The following SPIRE1 variants were observed in gnomAD, a reference collection of about 807,000 sequenced individuals.
SPIRE1 encodes the protein spire type actin nucleation factor 1.
SPIRE1 carries 40 observed loss-of-function variants against 94.1 expected under a neutral mutation model. The ratio of observed to expected loss-of-function variants is 0.43; its 90% CI spans 0.33 to 0.55. The LOEUF is 0.55. Ranked by LOEUF, SPIRE1 falls within the 20% of genes least tolerant of loss-of-function variation. The pLI, the probability that SPIRE1 is intolerant of heterozygous loss-of-function variation, is 0.06. For synonymous variants in SPIRE1, 376 were observed against 371.7 expected (o/e 1.01, Z -0.13); for missense variants, 838 against 975.2 (o/e 0.86, Z 1.87).
At chr18:12,615,320 T>A (rs2037255210) in intron 2 of SPIRE1, among the ~76,000 whole-genome samples, 1 of 10,672 alleles carries the variant, frequency 9.4e-5, no homozygotes, top group Non-Finnish European at 2.3e-4. Context: ...AGAGTGAAAC[T>A]CTGTCTCAAA....
At chr18:12,598,667 G>C (rs2036746893) in intron 2 of SPIRE1, among the ~76,000 whole-genome samples, 2 of 152,100 alleles carry the variant, frequency 1.3e-5, no homozygotes. Context: ...ATATCGACTG[G>C]CTCAGTGGGA....
intron 1 of SPIRE1, among the ~76,000 whole-genome samples, chr18:12,643,522 C>G (rs754138681): frequency 6.6e-6 from 1 of 152,188 alleles, no homozygotes; most frequent in Non-Finnish European, 1.5e-5. Context: ...ATGAGACAAC[C>G]TAGCCAACAA....
chr18:12,451,307 C>A (rs1245673874), intron 16 of SPIRE1, among the ~76,000 whole-genome samples: 1 of 151,750 alleles, frequency 6.6e-6, no homozygotes, highest in East Asian at 2.0e-4. Flanking sequence ...CCCAACAATT[C>A]CCTGTATTTG....
chr18:12,453,461 TCTCA>T (rs2031344214), intron 13 of SPIRE1, among the ~76,000 whole-genome samples: 1 of 145,736 alleles, frequency 6.9e-6, no homozygotes, highest in Admixed American at 7.1e-5. Flanking sequence ...TGAGATGGAG[TCTCA>T]CTGTTTCGCC....
At position 12,525,276 on chromosome 18, in the gene SPIRE1, C is replaced by CAAAA. The variant is rs1170791088; in HGVS notation, c.729+10196_729+10199dup. ...TGGGCGACAGAGTGAGACTCCGTCT[C>CAAAA]AAAAAAAAAAAAAAAAAAAAAATAA... On this transcript the variant is annotated intron_variant, in intron 4 of 16. Transcript: ENST00000409402. Among the ~76,000 whole-genome samples the CAAAA allele has an allele frequency of 2.4e-3, 172 of 71,278 alleles. 1 individual carries two copies. Among genetic ancestry groups the CAAAA allele is most frequent in the African/African-American group, 4.3e-3 (77 of 18,062 alleles). The allele number at this position is 71,278 out of a possible 152,430, so 46.8% of individuals were successfully genotyped here.
At chr18:12,481,288 C>G (rs895348443) in intron 9 of SPIRE1, among the ~76,000 whole-genome samples, 2 of 132,826 alleles carry the variant, frequency 1.5e-5, no homozygotes, top group South Asian at 5.6e-4. Context: ...CCCCGCCCCC[C>G]GCAAGAATGT....
chr18:12,483,765 C>T (rs2032932525), intron 9 of SPIRE1, among the ~76,000 whole-genome samples: 1 of 152,116 alleles, frequency 6.6e-6, no homozygotes, highest in Admixed American at 6.5e-5. Flanking sequence ...CTAGTTTGTT[C>T]ATTTTCTAAC....
intron 2 of SPIRE1, among the ~76,000 whole-genome samples, chr18:12,556,347 G>A (rs1276187768): frequency 1.3e-5 from 2 of 151,992 alleles, no homozygotes; most frequent in East Asian, 3.9e-4. Context: ...ATCCAGAATA[G>A]CCAAAGGTAT....
intron 10 of SPIRE1, among the ~76,000 whole-genome samples, chr18:12,468,947 C>T (rs997081911): frequency 6.6e-6 from 1 of 151,980 alleles, no homozygotes; most frequent in African/African-American, 2.4e-5. Context: ...ACCTATGGTC[C>T]TAGCTACTTG....
At chr18:12,451,205 T>C (rs1346250157) in intron 16 of SPIRE1, among the ~76,000 whole-genome samples, 9 of 152,182 alleles carry the variant, frequency 5.9e-5, no homozygotes, top group Non-Finnish European at 1.3e-4. Context: ...GAAATTCAAG[T>C]AAATTTATCT....
At chr18:12,497,727 A>G (rs1299607635) in intron 6 of SPIRE1, among the ~76,000 whole-genome samples, 2 of 152,186 alleles carry the variant, frequency 1.3e-5, no homozygotes, top group African/African-American at 4.8e-5. Flanking sequence ...TGTGGATTTC[A>G]TATTATGTAG....
At chr18:12,650,821 G>A (rs549448015) in intron 1 of SPIRE1, among the ~76,000 whole-genome samples, 9 of 150,286 alleles carry the variant, frequency 6.0e-5, no homozygotes, top group African/African-American at 2.2e-4. Flanking sequence ...CAAAGCTGCA[G>A]TGAGCCGATC....
rs1305168667 is a variant in SPIRE1, at chr18:12,447,567, C to G, written c.*2071G>C. ...AGATTGTTTCATATGAACGTACCCT[C>G]CACGTGACCTCTTTAATGCACTTGG... On this transcript the variant is annotated 3_prime_UTR_variant, in exon 17 of 17. Coordinates refer to ENST00000409402, the MANE Select transcript of SPIRE1 (RefSeq NM_001128626.2). 2.6e-5 allele frequency: 4 copies of G among 152,196 alleles called. No individual in the cohort carries two copies. The highest frequency in any genetic ancestry group is 4.4e-5 in the Non-Finnish European group (3 of 68,034). The allele number at this position is 152,196 out of a possible 1,614,324, so 9.4% of individuals were successfully genotyped here.
At chr18:12,613,144 C>T (rs1411000329) in intron 2 of SPIRE1, among the ~76,000 whole-genome samples, 3 of 152,148 alleles carry the variant, frequency 2.0e-5, no homozygotes, top group African/African-American at 4.8e-5. Flanking sequence ...ACAGCATGTG[C>T]GCAATAAACT....
chr18:12,580,977 G>C (rs1305179042), intron 2 of SPIRE1, among the ~76,000 whole-genome samples: 2 of 152,184 alleles, frequency 1.3e-5, no homozygotes, highest in East Asian at 3.8e-4. Context: ...ATTGCCACAT[G>C]ATTCCACTTA....
intron 2 of SPIRE1, among the ~76,000 whole-genome samples, chr18:12,606,087 G>C (rs945940037): frequency 2.0e-5 from 3 of 152,140 alleles, no homozygotes; most frequent in African/African-American, 7.2e-5. Context: ...TTGAAAAATG[G>C]AATTGAAGTG....
At chr18:12,465,259 G>A (rs187112636) in intron 10 of SPIRE1, among the ~76,000 whole-genome samples, 10 of 152,168 alleles carry the variant, frequency 6.6e-5, no homozygotes, top group East Asian at 1.9e-4. Context: ...CCACTGCAGC[G>A]TCTACCTTCT....
intron 2 of SPIRE1, among the ~76,000 whole-genome samples, chr18:12,614,203 G>A (rs192273748): frequency 1.3e-5 from 2 of 152,304 alleles, no homozygotes; most frequent in Non-Finnish European, 2.9e-5. Context: ...GCAGACTGCA[G>A]TGAGCTATGA....
chr18:12,479,883 GC>G lies in SPIRE1; in HGVS notation c.1232-13del. ...AGGGGTAGTCACATCTGGTAAAAAAGCAAAAGCTTACCTTTTCTTGAGCCAA... is the reference window on the plus strand; with the variant it reads ...AGGGGTAGTCACATCTGGTAAAAAAGAAAAGCTTACCTTTTCTTGAGCCAA... On this transcript the variant is annotated splice_polypyrimidine_tract_variant and intron_variant, in intron 9 of 16. Coordinates refer to ENST00000409402, the MANE Select transcript of SPIRE1 (RefSeq NM_001128626.2). The G allele has an allele frequency of 6.2e-7, 1 of 1,609,016 alleles. No homozygotes were observed. The highest frequency in any genetic ancestry group is 1.7e-5 in the Admixed American group (1 of 58,768).
Sources: allele counts gnomAD v4.1 joint callset (sites outside exome capture counted in the v4.1 genomes callset), GRCh38; gene constraint gnomAD v4.1.1; transcripts MANE v1.5; gene names NCBI Gene and HGNC (gene_info 2026-07-23, HGNC 2026-07-21).